The following LRRC7 variants were observed in gnomAD, a reference collection of about 807,000 sequenced individuals.
LRRC7 encodes the protein leucine-rich repeat-containing protein 7.
A neutral mutation model predicts 175.7 loss-of-function variants in LRRC7; 23 were observed. That is an observed-to-expected ratio of 0.13 (90% CI 0.09 to 0.19). The LOEUF is 0.19. Among genes scored for constraint, LRRC7 ranks in the 10% least tolerant of loss-of-function variants. The probability of loss-of-function intolerance (pLI) is 1.00; values close to 1 mark genes in which losing one functional copy is unlikely to be tolerated. For synonymous variants in LRRC7, 685 were observed against 680.9 expected (o/e 1.01, Z -0.09); for missense variants, 1,354 against 1,904.7 (o/e 0.71, Z 5.38).
At chr1:69,624,168 A>G (rs980605418) in intron 1 of LRRC7, among the ~76,000 whole-genome samples, 1 of 152,220 alleles carries the variant, frequency 6.6e-6, no homozygotes, top group South Asian at 2.1e-4. Flanking sequence ...GCTATTATAT[A>G]TCAGCCCTAA....
chr1:69,961,938 C>T (rs186607880), intron 8 of LRRC7, among the ~76,000 whole-genome samples: 1 of 152,220 alleles, frequency 6.6e-6, no homozygotes, highest in East Asian at 1.9e-4. Context: ...GCAAAGATTT[C>T]ATGACTAAGA....
chr1:69,627,940 G>C (rs2100357537), intron 1 of LRRC7, among the ~76,000 whole-genome samples: 1 of 150,936 alleles, frequency 6.6e-6, no homozygotes, highest in Middle Eastern at 3.4e-3. Flanking sequence ...AAATACCACA[G>C]TTTACAGTTT....
chr1:70,058,163 C>T (rs977713156), intron 23 of LRRC7, among the ~76,000 whole-genome samples: 2 of 152,074 alleles, frequency 1.3e-5, no homozygotes, highest in African/African-American at 4.8e-5. Context: ...GCATTCACCA[C>T]CACGCCTGGC....
intron 9 of LRRC7, among the ~76,000 whole-genome samples, chr1:69,981,107 A>G (rs554876618): frequency 1.3e-5 from 2 of 152,250 alleles, no homozygotes; most frequent in South Asian, 4.1e-4. Flanking sequence ...GCCCCTTGCC[A>G]CTTGCATACA....
intron 8 of LRRC7, among the ~76,000 whole-genome samples, chr1:69,949,152 GA>G (rs1649657701): frequency 6.6e-6 from 1 of 151,430 alleles, no homozygotes; most frequent in Non-Finnish European, 1.5e-5. Flanking sequence ...AAAAAAAAAG[GA>G]AAAAGAATGT....
intron 3 of LRRC7, among the ~76,000 whole-genome samples, chr1:69,762,641 A>G (rs1175434021): frequency 6.6e-6 from 1 of 152,040 alleles, no homozygotes; most frequent in Non-Finnish European, 1.5e-5. Context: ...TGAAAGTCAC[A>G]TAGTATTGTT....
intron 24 of LRRC7, among the ~76,000 whole-genome samples, chr1:70,088,903 A>G (rs375707090): frequency 9.2e-5 from 14 of 152,268 alleles, no homozygotes; most frequent in Admixed American, 2.6e-4. Flanking sequence ...TCATTCCCCC[A>G]TACTACTATA....
At chr1:69,908,842 G>A (rs1358078689) in intron 7 of LRRC7, among the ~76,000 whole-genome samples, 7 of 149,178 alleles carry the variant, frequency 4.7e-5, no homozygotes, top group Admixed American at 1.3e-4. Flanking sequence ...TTTCTGTCTC[G>A]TTGTCGGGTC....
chr1:69,680,644 A>G (rs1254772757), intron 2 of LRRC7, among the ~76,000 whole-genome samples: 1 of 150,842 alleles, frequency 6.6e-6, no homozygotes, highest in African/African-American at 2.4e-5. Flanking sequence ...TCTGTGACAG[A>G]CTAGTGTGAA....
chr1:70,052,944 A>G (rs1241249787), intron 22 of LRRC7, 82 bp from the exon 23 acceptor site: 2 of 1,369,408 alleles, frequency 1.5e-6, no homozygotes, highest in Non-Finnish European at 9.7e-7. Flanking sequence ...TAATTTTACC[A>G]TGATCATTAG....
intron 1 of LRRC7, among the ~76,000 whole-genome samples, chr1:69,657,905 TA>T: frequency 6.6e-6 from 1 of 152,024 alleles, no homozygotes; most frequent in Middle Eastern, 3.4e-3. Context: ...TCCTTTGATT[TA>T]ATACTATCAA....
intron 2 of LRRC7, among the ~76,000 whole-genome samples, chr1:69,757,214 A>C (rs974973655): frequency 1.3e-5 from 2 of 152,008 alleles, no homozygotes; most frequent in African/African-American, 4.8e-5. Flanking sequence ...GGATTTTAGA[A>C]GATGAGAGAA....
At chr1:69,902,857 C>T (rs1239482348) in intron 7 of LRRC7, among the ~76,000 whole-genome samples, 1 of 152,002 alleles carries the variant, frequency 6.6e-6, no homozygotes, top group East Asian at 1.9e-4. Context: ...CTATAATTAC[C>T]CATAAGAAAT....
intron 2 of LRRC7, among the ~76,000 whole-genome samples, chr1:69,703,903 A>T (rs1273157183): frequency 6.6e-6 from 1 of 151,990 alleles, no homozygotes; most frequent in African/African-American, 2.4e-5. Context: ...AGCGTTTACC[A>T]TTTCTTTCAG....
At chr1:69,767,904 C>A (rs903298662) in intron 3 of LRRC7, among the ~76,000 whole-genome samples, 3 of 151,958 alleles carry the variant, frequency 2.0e-5, no homozygotes, top group African/African-American at 7.3e-5. Context: ...AAAAAAACAG[C>A]CTCCATATAT....
At chr1:69,606,056 G>A (rs12057278) in intron 1 of LRRC7, among the ~76,000 whole-genome samples, 12,928 of 152,108 alleles carry the variant, frequency 0.085, 942 homozygotes, top group African/African-American at 0.2. Flanking sequence ...CTTTAAGTGC[G>A]TATATGTTTA....
intron 26 of LRRC7, among the ~76,000 whole-genome samples, chr1:70,118,720 A>G (rs1421200751): frequency 6.6e-6 from 1 of 152,142 alleles, no homozygotes; most frequent in Admixed American, 6.5e-5. Context: ...CCTTAAAATG[A>G]AGGTCTTTCA....
intron 1 of LRRC7, among the ~76,000 whole-genome samples, chr1:69,625,234 G>A (rs898929210): frequency 2.4e-4 from 36 of 150,856 alleles, no homozygotes; most frequent in African/African-American, 8.0e-4. Context: ...TATTTTATGG[G>A]AATTTGTCTT....
intron 7 of LRRC7, among the ~76,000 whole-genome samples, chr1:69,929,667 GC>G (rs1647208859): frequency 6.6e-6 from 1 of 152,112 alleles, no homozygotes; most frequent in Non-Finnish European, 1.5e-5. Flanking sequence ...TATTACATTA[GC>G]CTTCTCTTTG....
Sources: allele counts gnomAD v4.1 joint callset (sites outside exome capture counted in the v4.1 genomes callset), GRCh38; gene constraint gnomAD v4.1.1; transcripts MANE v1.5; gene names NCBI Gene and HGNC (gene_info 2026-07-23, HGNC 2026-07-21).